The following VPS35L variants were observed in gnomAD, a reference collection of about 807,000 sequenced individuals.
VPS35L encodes VPS35 endosomal protein-sorting factor-like.
A neutral mutation model predicts 133.0 loss-of-function variants in VPS35L; 83 were observed. The ratio of observed to expected loss-of-function variants is 0.62; its 90% CI spans 0.52 to 0.75. The LOEUF (loss-of-function observed/expected upper bound fraction) is 0.75. Among genes scored for constraint, VPS35L ranks in the 30% least tolerant of loss-of-function variants. VPS35L has a pLI of 0.00. For missense variants in VPS35L, 1,083 were observed against 1,206.8 expected, an observed-to-expected ratio of 0.90 and a Z score of 1.52; for synonymous variants, 423 against 449.9, an observed-to-expected ratio of 0.94 and a Z score of 0.76.
intron 18 of VPS35L, among the ~76,000 whole-genome samples, chr16:19,631,641 G>T (rs1462446667): frequency 6.6e-6 from 1 of 152,158 alleles, no homozygotes; most frequent in Non-Finnish European, 1.5e-5. Flanking sequence ...ATATTTTGAA[G>T]CATATCTCAG....
intron 9 of VPS35L, among the ~76,000 whole-genome samples, chr16:19,607,304 G>T (rs985184775): frequency 6.6e-6 from 1 of 152,192 alleles, no homozygotes; most frequent in African/African-American, 2.4e-5. Flanking sequence ...CTCATGGTCA[G>T]TATGGCTGCA....
chr16:19,610,088 C>T (rs577615690), intron 11 of VPS35L, among the ~76,000 whole-genome samples: 1 of 152,220 alleles, frequency 6.6e-6, no homozygotes, highest in African/African-American at 2.4e-5. Context: ...TAGCCTCCAC[C>T]ACTGAGCAAA....
At position 19,616,268 on chromosome 16, in the gene VPS35L, C is replaced by G; in HGVS notation, c.1101+77C>G. 4 of 1,292,388 alleles carry G rather than the reference C, an allele frequency of 3.1e-6. No homozygotes were observed. In the African/African-American group the frequency reaches 5.9e-5, roughly 19 times the overall value. The allele number at this position is 1,292,388 out of a possible 1,614,324, so 80.1% of individuals were successfully genotyped here. Reference sequence around the variant, plus strand: ...AAATTCACAAAACCCAGTTGGTTTTCCAAGTGGAGAATGCCTTAAAGCTCT... The same window carrying G: ...AAATTCACAAAACCCAGTTGGTTTTGCAAGTGGAGAATGCCTTAAAGCTCT... On this transcript the variant is annotated intron_variant, in intron 13 of 30. Transcript: ENST00000417362.
intron 9 of VPS35L, among the ~76,000 whole-genome samples, chr16:19,603,817 C>T (rs1481381352): frequency 6.6e-6 from 1 of 152,158 alleles, no homozygotes; most frequent in Non-Finnish European, 1.5e-5. Context: ...CTGCAACCTC[C>T]GCCTCCTGGG....
intron 26 of VPS35L, among the ~76,000 whole-genome samples, chr16:19,667,675 A>C (rs1192619522): frequency 6.6e-6 from 1 of 150,478 alleles, no homozygotes; most frequent in East Asian, 2.0e-4. Context: ...CAGAGGCTGC[A>C]GTGAGTCGAG....
chr16:19,622,048 C>T (rs12932886), intron 14 of VPS35L, among the ~76,000 whole-genome samples: 2 of 151,662 alleles, frequency 1.3e-5, no homozygotes, highest in South Asian at 4.2e-4. Context: ...TCTGTGTTTT[C>T]CTCCCATCTT....
intron 24 of VPS35L, 36 bp from the exon 25 acceptor site, chr16:19,650,346 G>A (rs781370268): frequency 8.5e-6 from 13 of 1,526,484 alleles, no homozygotes; most frequent in South Asian, 5.6e-5. Flanking sequence ...ATCGGCCATC[G>A]CTTCATTACC....
chr16:19,670,260 G>A (rs1974831706), intron 27 of VPS35L, among the ~76,000 whole-genome samples: 1 of 152,196 alleles, frequency 6.6e-6, no homozygotes, highest in Non-Finnish European at 1.5e-5. Flanking sequence ...CTCCGTGTAT[G>A]AATTTGCAGG....
chr16:19,594,004 T>C (rs551644561), intron 8 of VPS35L, among the ~76,000 whole-genome samples: 2 of 152,260 alleles, frequency 1.3e-5, no homozygotes, highest in African/African-American at 2.4e-5. Flanking sequence ...CAGCTTCTGC[T>C]AGCTTTATTG....
intron 5 of VPS35L, among the ~76,000 whole-genome samples, chr16:19,576,808 G>A (rs1277832775): frequency 6.6e-6 from 1 of 151,792 alleles, no homozygotes; most frequent in Non-Finnish European, 1.5e-5. Flanking sequence ...CTGGGTTCAA[G>A]CAATTCTCCC....
At chr16:19,623,380 C>G (rs1308090860) in intron 14 of VPS35L, among the ~76,000 whole-genome samples, 1 of 152,188 alleles carries the variant, frequency 6.6e-6, no homozygotes, top group East Asian at 1.9e-4. Flanking sequence ...TGTGTACACG[C>G]ATCCTTGCTG....
intron 28 of VPS35L, among the ~76,000 whole-genome samples, chr16:19,687,085 G>C (rs1242290281): frequency 6.6e-6 from 1 of 152,130 alleles, no homozygotes; most frequent in Non-Finnish European, 1.5e-5. Flanking sequence ...GTGAGGGTAG[G>C]GCCAGGTCAG....
chr16:19,681,480 G>T (rs528855799), intron 27 of VPS35L, among the ~76,000 whole-genome samples: 320 of 152,344 alleles, frequency 2.1e-3, no homozygotes, highest in Middle Eastern at 0.017. Context: ...GGGCTAGCAA[G>T]GCCATGGAAG....
At chr16:19,566,083 C>T (rs1484949936) in intron 2 of VPS35L, among the ~76,000 whole-genome samples, 1 of 152,026 alleles carries the variant, frequency 6.6e-6, no homozygotes, top group Non-Finnish European at 1.5e-5. Flanking sequence ...AGCAGAAGAC[C>T]CCAAGACTGA....
chr16:19,694,254 T>G (rs1252726747), intron 29 of VPS35L: 1 of 152,200 alleles, frequency 6.6e-6, no homozygotes, highest in African/African-American at 2.4e-5. Context: ...TATCTGAGGC[T>G]CATGAATCAA....
At chr16:19,637,942 ACTTTGGACAGC>A (rs1973671604) in intron 20 of VPS35L, among the ~76,000 whole-genome samples, 1 of 152,132 alleles carries the variant, frequency 6.6e-6, no homozygotes, top group African/African-American at 2.4e-5. Flanking sequence ...CCTTCAAAAC[ACTTTGGACAGC>A]CTTCTCTTAC....
In VPS35L at chr16:19,609,027, G is replaced by C. The variant is rs376339301; in HGVS notation, c.929+6G>C. On this transcript the variant is annotated splice_donor_region_variant and intron_variant, in intron 11 of 30. Transcript: ENST00000417362. ...AACAAATTCCTCTCCAAAACGTAAGGCTCTTCGGTAAAATCTAGAACCATA... is the reference window on the plus strand; with the variant it reads ...AACAAATTCCTCTCCAAAACGTAAGCCTCTTCGGTAAAATCTAGAACCATA... The C allele has an allele frequency of 8.6e-5, 138 of 1,612,562 alleles. No individual in the cohort carries two copies. The highest frequency in any genetic ancestry group is 1.0e-4 in the Non-Finnish European group (121 of 1,178,892).
chr16:19,630,073 A>G (rs1597376899), intron 18 of VPS35L, among the ~76,000 whole-genome samples: 1 of 152,064 alleles, frequency 6.6e-6, no homozygotes, highest in East Asian at 1.9e-4. Flanking sequence ...TTTTTTTACC[A>G]TAGGATACCT....
intron 16 of VPS35L, among the ~76,000 whole-genome samples, chr16:19,628,140 G>A (rs117069737): frequency 0.024 from 3,619 of 152,226 alleles, 85 homozygotes; most frequent in African/African-American, 0.056. Context: ...CAGGGCAGGA[G>A]GATCACTTGA....
Sources: gnomAD v4.1 joint callset for allele counts (sites outside exome capture counted in the v4.1 genomes callset) on GRCh38, gnomAD v4.1.1 for gene constraint, MANE v1.5 for transcripts, NCBI Gene and HGNC (gene_info 2026-07-23, HGNC 2026-07-21) for gene names.